Variants in BCL2L11 observed in about 807,000 individuals in gnomAD.
BCL2L11 encodes bcl-2-like protein 11.
BCL2L11 carries 15 observed loss-of-function variants against 20.6 expected under a neutral mutation model. The ratio of observed to expected loss-of-function variants is 0.73; its 90% CI spans 0.49 to 1.12. The LOEUF (loss-of-function observed/expected upper bound fraction) is 1.12, where lower values mean the gene tolerates loss of function less well. Among genes scored for constraint, BCL2L11 ranks in the 50% most tolerant of loss-of-function variants. The pLI is 0.00. For synonymous variants in BCL2L11, 108 were observed against 92.8 expected (o/e 1.16, Z -0.94); for missense variants, 292 against 260.9 (o/e 1.12, Z -0.82).
At chr2:111,160,384 C>T (rs1156306596) in intron 3 of BCL2L11, among the ~76,000 whole-genome samples, 1 of 152,210 alleles carries the variant, frequency 6.6e-6, no homozygotes, top group Non-Finnish European at 1.5e-5. Context: ...AGTGGGTACA[C>T]AGACACGTGC....
chr2:111,154,212 T>C (rs1341595424), intron 3 of BCL2L11, among the ~76,000 whole-genome samples: 1 of 152,192 alleles, frequency 6.6e-6, no homozygotes, highest in Admixed American at 6.5e-5. Context: ...AATACTTCAG[T>C]GTATATTTCC....
chr2:111,140,976 G>A (rs1323103885), intron 2 of BCL2L11, among the ~76,000 whole-genome samples: 4 of 152,224 alleles, frequency 2.6e-5, no homozygotes, highest in Admixed American at 2.6e-4. Flanking sequence ...TGTACAAGGT[G>A]TTGACTCATC....
Position 111,154,913 on chromosome 2 carries a change from G to C in BCL2L11, c.498+4766G>C, listed in dbSNP as rs937880020. Among the ~76,000 whole-genome samples, 4 of 152,250 alleles carry C rather than the reference G, an allele frequency of 2.6e-5. No homozygotes were observed. In the East Asian group the frequency reaches 7.7e-4, roughly 29 times the overall value. On this transcript the variant is annotated intron_variant, in intron 3 of 3. Coordinates refer to ENST00000393256, the MANE Select transcript of BCL2L11 (RefSeq NM_138621.5). ...CTTAATGATTTGGCGGGAGGCACCA[G>C]TAGTGCAGGCACAGGGAGAACCAGT...
chr2:111,134,512 G>C (rs548243587), intron 2 of BCL2L11, among the ~76,000 whole-genome samples: 4 of 152,124 alleles, frequency 2.6e-5, no homozygotes, highest in African/African-American at 9.7e-5. Context: ...TGTACATTGA[G>C]CACTGAATGA....
chr2:111,154,040 C>A, intron 3 of BCL2L11: 1 of 1,011,586 alleles, frequency 9.9e-7, no homozygotes, highest in Non-Finnish European at 1.3e-6. Context: ...TTGGTAACTT[C>A]ATTTGGAAAT....
At chr2:111,153,822 A>G in intron 3 of BCL2L11, 2 of 1,552,066 alleles carry the variant, frequency 1.3e-6, no homozygotes, top group African/African-American at 1.4e-5. Flanking sequence ...TCATGTATTC[A>G]GTCCACTTAA....
intron 2 of BCL2L11, among the ~76,000 whole-genome samples, chr2:111,138,289 G>A (rs756383673): frequency 7.9e-5 from 12 of 152,192 alleles, no homozygotes; most frequent in East Asian, 1.9e-4. Context: ...GATTACAGGC[G>A]TTGAGCCACT....
At chr2:111,123,592 T>A in intron 1 of BCL2L11, 141 bp from the exon 2 acceptor site, 1 of 1,222,032 alleles carries the variant, frequency 8.2e-7, no homozygotes, top group Non-Finnish European at 1.0e-6. Context: ...ATTTTTTTAT[T>A]TGGGAGATTG....
rs577969043 is a variant in BCL2L11 at position 111,141,615 on chromosome 2, GTAAC to G, written c.395-8424_395-8421del. Among the ~76,000 whole-genome samples, 370 of 151,356 alleles carry G rather than the reference GTAAC, an allele frequency of 2.4e-3. 1 individual carries two copies. The highest frequency in any genetic ancestry group is 7.4e-3 in the Admixed American group (113 of 15,194). ...ACCAGCATGGCACATGTATACCTAT[GTAAC>G]TAACCTGCACATTGTGCACATGTAC... is the stretch of plus-strand genomic sequence containing the variant. On this transcript the variant is annotated intron_variant, in intron 2 of 3. Coordinates refer to ENST00000393256, the MANE Select transcript of BCL2L11 (RefSeq NM_138621.5).
At chr2:111,141,565 G>A (rs1432504561) in intron 2 of BCL2L11, among the ~76,000 whole-genome samples, 2 of 150,950 alleles carry the variant, frequency 1.3e-5, no homozygotes, top group Non-Finnish European at 3.0e-5. Context: ...CCTAATGCTA[G>A]ATGACGAGTT....
At chr2:111,137,753 C>G (rs1158522112) in intron 2 of BCL2L11, among the ~76,000 whole-genome samples, 1 of 150,588 alleles carries the variant, frequency 6.6e-6, no homozygotes, top group Admixed American at 6.7e-5. Context: ...AGGGGAGAAT[C>G]TACATTATTC....
chr2:111,121,641 C>T (rs554860048), intron 1 of BCL2L11, among the ~76,000 whole-genome samples: 1 of 152,280 alleles, frequency 6.6e-6, no homozygotes, highest in East Asian at 1.9e-4. Context: ...TTTTTTGGGG[C>T]GCGTGGGCCT....
At chr2:111,161,453 A>G in intron 3 of BCL2L11, 1 of 1,550,568 alleles carries the variant, frequency 6.4e-7, no homozygotes, top group South Asian at 1.2e-5. Flanking sequence ...CCACTGTAGC[A>G]GACGCAGACT....
chr2:111,144,932 TC>T, intron 2 of BCL2L11, among the ~76,000 whole-genome samples: 1 of 152,354 alleles, frequency 6.6e-6, no homozygotes, highest in East Asian at 1.9e-4. Flanking sequence ...CCTGGCTGTT[TC>T]CCGCAAGTGC....
chr2:111,123,753 A>G lies in BCL2L11; in HGVS notation c.8A>G (p.Lys3Arg), dbSNP rs2071806023. 2.2e-6 allele frequency: 3 copies of G among 1,387,240 alleles called. No individual in the cohort carries two copies. Among genetic ancestry groups the G allele is most frequent in the Non-Finnish European group, 2.8e-6 (3 of 1,063,446 alleles). The allele number at this position is 1,387,240 out of a possible 1,614,324, so 85.9% of individuals were successfully genotyped here. ...TGCAGAAAAAAAGACCAAATGGCAA[A>G]GCAACCTTCTGATGTAAGTTCTGAG... The part of the protein sequence containing the change: MA[K>R]QPSDVSSECD... The change falls in exon 2 of 4, where the codon AAG (lysine) becomes AGG (arginine). Residue 3 changes from lysine (K) to arginine (R), a missense_variant. Coordinates refer to ENST00000393256, the MANE Select transcript of BCL2L11 (RefSeq NM_138621.5).
intron 3 of BCL2L11, among the ~76,000 whole-genome samples, chr2:111,153,143 T>C (rs113201998): frequency 0.026 from 3,964 of 152,218 alleles, 168 homozygotes; most frequent in African/African-American, 0.089. Flanking sequence ...TTTGGGAGGC[T>C]GAGGCGGGTG....
At chr2:111,134,752 C>T (rs1364535702) in intron 2 of BCL2L11, among the ~76,000 whole-genome samples, 1 of 152,144 alleles carries the variant, frequency 6.6e-6, no homozygotes, top group African/African-American at 2.4e-5. Flanking sequence ...TCTTTATTTC[C>T]CCTTCAGTCC....
chr2:111,146,146 C>T (rs956778349), intron 2 of BCL2L11: 11 of 985,062 alleles, frequency 1.1e-5, no homozygotes, highest in African/African-American at 3.5e-5. Flanking sequence ...GCTGAAACTA[C>T]ATTTTCTGTG....
rs543709072 is a variant in BCL2L11, at chr2:111,131,790, C to G, written c.394+7651C>G. ...GATGGTAGATCCGTGCATGGTTACA[C>G]TCCAGACCCAGGGCTTATGAGCCAT... On this transcript the variant is annotated intron_variant, in intron 2 of 3. Transcript: ENST00000393256. 5 of 152,266 alleles carry G rather than the reference C, an allele frequency of 3.3e-5. No homozygotes were observed. In the East Asian group the frequency reaches 9.6e-4, roughly 29 times the overall value. The allele number at this position is 152,266 out of a possible 1,614,324, so 9.4% of individuals were successfully genotyped here. A position where few individuals can be genotyped will look rare whatever the true frequency, so the allele number is the denominator to read the frequency against.
Sources: gnomAD v4.1 joint callset for allele counts (sites outside exome capture counted in the v4.1 genomes callset) on GRCh38, gnomAD v4.1.1 for gene constraint, MANE v1.5 for transcripts, NCBI Gene and HGNC (gene_info 2026-07-23, HGNC 2026-07-21) for gene names.